Variants in SLC39A10 observed in about 807,000 individuals in gnomAD.
SLC39A10 encodes solute carrier family 39 member 10.
Under a neutral mutation model 65.1 loss-of-function variants are expected in SLC39A10, and 13 were observed. That is an observed-to-expected ratio of 0.20 (90% CI 0.13 to 0.32). The LOEUF is 0.32. Among genes scored for constraint, SLC39A10 ranks in the 10% least tolerant of loss-of-function variants. SLC39A10 has a pLI of 1.00. For synonymous variants in SLC39A10, 321 were observed against 342.2 expected (o/e 0.94, Z 0.68); for missense variants, 831 against 1,018.4 (o/e 0.82, Z 2.50).
At chr2:195,619,586 C>T (rs1255967759) in intron 2 of SLC39A10, among the ~76,000 whole-genome samples, 1 of 152,204 alleles carries the variant, frequency 6.6e-6, no homozygotes, top group South Asian at 2.1e-4. Context: ...CTGATGTACA[C>T]GAGGAATGTA....
intron 2 of SLC39A10, among the ~76,000 whole-genome samples, chr2:195,636,983 G>C (rs1364346881): frequency 6.6e-6 from 1 of 152,062 alleles, no homozygotes; most frequent in Non-Finnish European, 1.5e-5. Context: ...GCTTGGTTTT[G>C]GCCTCCCCTA....
In SLC39A10 at chr2:195,736,882, A is replaced by G. The variant is rs1692633541; in HGVS notation, c.*1841A>G. The G allele has an allele frequency of 6.6e-6, 1 of 152,384 alleles. No homozygotes were observed. Among genetic ancestry groups the G allele is most frequent in the South Asian group, 2.1e-4 (1 of 4,816 alleles). The allele number at this position is 152,384 out of a possible 1,614,324, so 9.4% of individuals were successfully genotyped here. Reference sequence around the variant, plus strand: ...ACTGCCAACTTCAAGTGATTTAGATATCTATCTATCTAGATTTCTGAACCA... The same window carrying G: ...ACTGCCAACTTCAAGTGATTTAGATGTCTATCTATCTAGATTTCTGAACCA... On this transcript the variant is annotated 3_prime_UTR_variant, in exon 10 of 10. Transcript: ENST00000359634.
rs946041992 is a variant in SLC39A10 at position 195,671,952 on chromosome 2, C to T, written c.-11-8080C>T. 5.6e-4 allele frequency among the ~76,000 whole-genome samples: 85 copies of T among 151,610 alleles called. 1 individual carries two copies. Among genetic ancestry groups the T allele is most frequent in the Non-Finnish European group, 3.1e-4 (21 of 67,866 alleles). On this transcript the variant is annotated intron_variant, in intron 1 of 9. Coordinates refer to ENST00000359634, the MANE Select transcript of SLC39A10 (RefSeq NM_020342.3). ...AGCGGAGCTGCACTCAGACCCGGAG[C>T]GGTCATCTTTTTTTTTTTTAATGTC...
chr2:195,666,551 C>A (rs771310441), intron 1 of SLC39A10, among the ~76,000 whole-genome samples: 6 of 152,168 alleles, frequency 3.9e-5, no homozygotes, highest in Non-Finnish European at 8.8e-5. Context: ...CTTGACCTCC[C>A]GGGCTCAAGT....
intron 9 of SLC39A10, 94 bp from the exon 10 acceptor site, chr2:195,734,789 C>T: frequency 8.4e-7 from 1 of 1,195,354 alleles, no homozygotes; most frequent in Non-Finnish European, 1.2e-6. Flanking sequence ...AGTTACACTT[C>T]AGTCACTAAT....
In SLC39A10 at chr2:195,630,916, C is replaced by T. The variant is rs186176004; in HGVS notation, c.-12+24683C>T. Among the ~76,000 whole-genome samples the T allele has an allele frequency of 1.2e-3, 185 of 152,244 alleles. 1 individual carries two copies. The highest frequency in any genetic ancestry group is 4.0e-3 in the African/African-American group (165 of 41,548). On this transcript the variant is annotated intron_variant, in intron 2 of 2. Coordinates refer to the SLC39A10 transcript ENST00000458054. ...AAATATATCAGCATTTGGCCTGGTG[C>T]GGTGGCTCATGCCTGTAATCCCAGC...
intron 2 of SLC39A10, among the ~76,000 whole-genome samples, chr2:195,634,547 A>C (rs1424202954): frequency 1.3e-5 from 2 of 152,186 alleles, no homozygotes. Flanking sequence ...GGAGTTTAGA[A>C]TGTATCAAAC....
intron 3 of SLC39A10, among the ~76,000 whole-genome samples, chr2:195,699,529 T>A (rs557052324): frequency 1.3e-5 from 2 of 152,246 alleles, no homozygotes; most frequent in African/African-American, 4.8e-5. Context: ...CCCTTGTAAT[T>A]TCTTCCTTGA....
chr2:195,615,706 C>T (rs1688192438), intron 2 of SLC39A10, among the ~76,000 whole-genome samples: 1 of 152,204 alleles, frequency 6.6e-6, no homozygotes, highest in African/African-American at 2.4e-5. Context: ...ATGTGATTTT[C>T]TGAATTAAAT....
At chr2:195,617,112 C>T (rs1309686891) in intron 2 of SLC39A10, among the ~76,000 whole-genome samples, 1 of 152,078 alleles carries the variant, frequency 6.6e-6, no homozygotes, top group Non-Finnish European at 1.5e-5. Context: ...TAAATGAATT[C>T]TTCGATAGTG....
intron 8 of SLC39A10, among the ~76,000 whole-genome samples, chr2:195,726,976 C>G (rs1253063334): frequency 6.6e-6 from 1 of 151,872 alleles, no homozygotes; most frequent in Non-Finnish European, 1.5e-5. Flanking sequence ...TCTTTCATAC[C>G]TCTTCAAGGT....
In SLC39A10 at chr2:195,728,400, T is replaced by A. The variant is rs780263749; in HGVS notation, c.2337+51T>A. The A allele has an allele frequency of 5.9e-6, 9 of 1,518,392 alleles. No homozygotes were observed. In the South Asian group the frequency reaches 1.2e-4, roughly 20 times the overall value. 94.1% of individuals were successfully genotyped at this position (1,518,392 alleles called of 1,614,324 possible). Reference sequence around the variant, plus strand: ...GTACTAAACCTGCAAATGAAAGAAATCCTTGGAAGTGGTTTGAAGCCAAAC... The same window carrying A: ...GTACTAAACCTGCAAATGAAAGAAAACCTTGGAAGTGGTTTGAAGCCAAAC... On this transcript the variant is annotated intron_variant, in intron 9 of 9. Transcript: ENST00000359634. The surrounding 1 kb of genome is among the most constrained non-coding windows in gnomAD (Gnocchi z 4.4).
rs966311593 is a variant in SLC39A10 at position 195,728,485 on chromosome 2, G to C, written c.2337+136G>C. The C allele has an allele frequency of 1.0e-5, 8 of 795,512 alleles. No homozygotes were observed. In the African/African-American group the frequency reaches 1.4e-4, roughly 14 times the overall value. 49.3% of individuals were successfully genotyped at this position (795,512 alleles called of 1,614,324 possible). A position where few individuals can be genotyped will look rare whatever the true frequency, so the allele number is the denominator to read the frequency against. On this transcript the variant is annotated intron_variant, in intron 9 of 9. Transcript: ENST00000359634. This position sits in a 1 kb window ranked among gnomAD's most constrained non-coding sequence, Gnocchi z 4.4. ...ATATCCTAAATAATCTCTTAAGGAA[G>C]GACATTTAAGTAGGAGGTTTCCTTT...
intron 7 of SLC39A10, 101 bp downstream of exon 7, chr2:195,717,106 C>A: frequency 6.9e-7 from 1 of 1,447,912 alleles, no homozygotes; most frequent in Non-Finnish European, 9.2e-7. Flanking sequence ...ATGTATCACT[C>A]TGGTCAGTTG....
In SLC39A10 at chr2:195,706,713, C is replaced by T; in HGVS notation, c.1314C>T (p.Phe438=). Residue 438 remains phenylalanine (F), a synonymous_variant, in exon 4 of 10, where the codon TTC becomes TTT. Transcript: ENST00000359634. ...TCATTAACCAAGGATGCTTCAAATT[C>T]CTTCTTACATTCCTTGTTGCATTAG... ...VPIINQGCFK[F]LLTFLVALAV... 6.2e-7 allele frequency: 1 copy of T among 1,605,262 alleles called. No individual in the cohort carries two copies. Among genetic ancestry groups the T allele is most frequent in the South Asian group, 1.1e-5 (1 of 90,136 alleles).
intron 2 of SLC39A10, among the ~76,000 whole-genome samples, chr2:195,650,237 C>T (rs930132747): frequency 2.0e-5 from 3 of 149,572 alleles, no homozygotes; most frequent in Non-Finnish European, 4.5e-5. Flanking sequence ...AGCCGAGATC[C>T]CACCACTGCA....
At chr2:195,681,768 T>A (rs1690334684) in intron 2 of SLC39A10, among the ~76,000 whole-genome samples, 1 of 152,172 alleles carries the variant, frequency 6.6e-6, no homozygotes, top group Non-Finnish European at 1.5e-5. Flanking sequence ...ATTTGAAAAT[T>A]AAAATTTTTT....
intron 2 of SLC39A10, among the ~76,000 whole-genome samples, chr2:195,647,182 T>G (rs1688939892): frequency 6.6e-6 from 1 of 152,170 alleles, no homozygotes. Flanking sequence ...CCATGTAATC[T>G]ACATGTTCAT....
At chr2:195,660,552 T>C (rs1689351091) in intron 1 of SLC39A10, among the ~76,000 whole-genome samples, 1 of 152,218 alleles carries the variant, frequency 6.6e-6, no homozygotes, top group African/African-American at 2.4e-5. Context: ...ATTTACTTAC[T>C]GCTGTAAATC....
Sources: gnomAD v4.1 joint callset for allele counts (sites outside exome capture counted in the v4.1 genomes callset) on GRCh38, gnomAD v4.1.1 for gene constraint, Gnocchi (gnomAD v3.1) non-coding constraint, MANE v1.5 for transcripts, NCBI Gene and HGNC (gene_info 2026-07-23, HGNC 2026-07-21) for gene names.